SNX30: variants seen among roughly 807,000 people sequenced by gnomAD.
SNX30 encodes sorting nexin-30.
Under a neutral mutation model 46.4 loss-of-function variants are expected in SNX30, and 24 were observed. The ratio of observed to expected loss-of-function variants is 0.52; its 90% confidence interval spans 0.37 to 0.73. The LOEUF is 0.73. Among genes scored for constraint, SNX30 ranks in the 30% least tolerant of loss-of-function variants. SNX30 has a pLI of 0.00. For synonymous variants in SNX30, 189 were observed against 211.5 expected (o/e 0.89, Z 0.92); for missense variants, 533 against 555.7 (o/e 0.96, Z 0.41).
chr9:112,825,399 A>G (rs1320819676), intron 3 of SNX30, among the ~76,000 whole-genome samples: 2 of 152,036 alleles, frequency 1.3e-5, no homozygotes, highest in Non-Finnish European at 2.9e-5. Flanking sequence ...GGTTCAAGCA[A>G]TCCTCCCACC....
At chr9:112,760,646 G>A (rs1839420148) in intron 1 of SNX30, among the ~76,000 whole-genome samples, 1 of 152,212 alleles carries the variant, frequency 6.6e-6, no homozygotes, top group Non-Finnish European at 1.5e-5. Context: ...GACTGTGCCA[G>A]CTGTGCCTGA....
chr9:112,761,296 G>A (rs907755122), intron 1 of SNX30, among the ~76,000 whole-genome samples: 7 of 152,156 alleles, frequency 4.6e-5, no homozygotes, highest in African/African-American at 1.7e-4. Flanking sequence ...CCGAGTAGCT[G>A]GGATTACAGG....
At chr9:112,808,662 A>G (rs1409504577) in intron 2 of SNX30, among the ~76,000 whole-genome samples, 2 of 152,240 alleles carry the variant, frequency 1.3e-5, no homozygotes, top group Non-Finnish European at 2.9e-5. Flanking sequence ...GAATGCCTAT[A>G]CGCTCACCAG....
At chr9:112,795,343 G>A (rs932963329) in intron 1 of SNX30, among the ~76,000 whole-genome samples, 3 of 152,210 alleles carry the variant, frequency 2.0e-5, no homozygotes, top group African/African-American at 7.2e-5. Flanking sequence ...TGCACTGGTA[G>A]TAATTAGTGG....
At chr9:112,864,977 G>GCA (rs1588143161) in intron 8 of SNX30, among the ~76,000 whole-genome samples, 2 of 103,594 alleles carry the variant, frequency 1.9e-5, no homozygotes, top group Non-Finnish European at 3.9e-5. Context: ...AGCAGCGCAC[G>GCA]CACATGCGCG....
At position 112,869,285 on chromosome 9, in the gene SNX30, C is replaced by T; in HGVS notation, c.*442C>T. On this transcript the variant is annotated 3_prime_UTR_variant, in exon 9 of 9. Transcript: ENST00000374232. ...GCTGCTGCTTTCTGTGGAAACCTGG[C>T]CCCTCTGGAATTGGCCTCTGTGGGC... is the stretch of plus-strand genomic sequence containing the variant. 1 of 204,480 alleles carries T rather than the reference C, an allele frequency of 4.9e-6. No individual in the cohort carries two copies. The highest frequency in any genetic ancestry group is 1.0e-5 in the Non-Finnish European group (1 of 98,232). The allele number at this position is 204,480 out of a possible 1,614,324, so 12.7% of individuals were successfully genotyped here. A position where few individuals can be genotyped will look rare whatever the true frequency, so the allele number is the denominator to read the frequency against.
In SNX30 at chr9:112,845,722, A is replaced by G. The variant is rs539030572; in HGVS notation, c.1015-5137A>G. Reference sequence around the variant, plus strand: ...CCACAGATACTGATATTGGCTGGCGATGGAGAACCAGGGTGGTCCCTCAAT... The same window carrying G: ...CCACAGATACTGATATTGGCTGGCGGTGGAGAACCAGGGTGGTCCCTCAAT... On this transcript the variant is annotated intron_variant, in intron 6 of 8. Transcript: ENST00000374232. 4.6e-5 allele frequency among the ~76,000 whole-genome samples: 7 copies of G among 152,346 alleles called. No individual in the cohort carries two copies. The South Asian group carries it at 1.5e-3, about 32-fold the overall frequency.
intron 7 of SNX30, among the ~76,000 whole-genome samples, chr9:112,852,409 T>C (rs557285903): frequency 5.3e-5 from 8 of 152,324 alleles, no homozygotes; most frequent in African/African-American, 1.7e-4. Context: ...GCATCAGTTA[T>C]ATGTAAACAC....
At chr9:112,758,452 C>G (rs1243793650) in intron 1 of SNX30, among the ~76,000 whole-genome samples, 1 of 152,192 alleles carries the variant, frequency 6.6e-6, no homozygotes, top group Non-Finnish European at 1.5e-5. Context: ...GCCTCAGCCT[C>G]CTGAGTAGCT....
At chr9:112,847,066 T>TG (rs1840949483) in intron 6 of SNX30, among the ~76,000 whole-genome samples, 1 of 152,204 alleles carries the variant, frequency 6.6e-6, no homozygotes. Context: ...ATTTTGTCAT[T>TG]GTAGATAAAG....
chr9:112,764,446 C>T (rs997995909), intron 1 of SNX30, among the ~76,000 whole-genome samples: 1 of 152,106 alleles, frequency 6.6e-6, no homozygotes, highest in Non-Finnish European at 1.5e-5. Flanking sequence ...GGCAGTGGCA[C>T]AATCATAGTT....
At position 112,838,526 on chromosome 9, in the gene SNX30, G is replaced by A. The variant is rs896996009; in HGVS notation, c.843G>A (p.Gly281=). 6.2e-7 allele frequency: 1 copy of A among 1,613,944 alleles called. No individual in the cohort carries two copies. The highest frequency in any genetic ancestry group is 8.5e-7 in the Non-Finnish European group (1 of 1,179,902). ...IEYLVELREY[G]PVYSTWSALE... The stretch of plus-strand genomic sequence containing the variant: ...ACCTTGTGGAGCTGAGAGAATACGG[G>A]CCTGTGTACTCCACATGGAGCGCCT... The change falls in exon 6 of 9, where the codon GGG becomes GGA. Residue 281 remains glycine, a synonymous_variant. Coordinates refer to ENST00000374232, the MANE Select transcript of SNX30 (RefSeq NM_001012994.2).
intron 8 of SNX30, among the ~76,000 whole-genome samples, chr9:112,868,012 G>A (rs894636109): frequency 6.6e-5 from 10 of 152,228 alleles, no homozygotes; most frequent in African/African-American, 2.4e-4. Context: ...GATCTGGGAT[G>A]AAAAGAGGTT....
intron 2 of SNX30, among the ~76,000 whole-genome samples, chr9:112,815,609 C>A (rs181251331): frequency 6.6e-6 from 1 of 152,298 alleles, no homozygotes; most frequent in Non-Finnish European, 1.5e-5. Flanking sequence ...GATCAGCCCA[C>A]CTCGGCCTCC....
intron 3 of SNX30, among the ~76,000 whole-genome samples, chr9:112,824,534 T>TG (rs2131433918): frequency 6.6e-6 from 1 of 152,058 alleles, no homozygotes; most frequent in South Asian, 2.1e-4. Flanking sequence ...CCAGGTGTTT[T>TG]TTTTTTTTTA....
intron 3 of SNX30, among the ~76,000 whole-genome samples, chr9:112,826,607 G>A (rs1840582762): frequency 6.6e-6 from 1 of 152,130 alleles, no homozygotes; most frequent in Non-Finnish European, 1.5e-5. Context: ...TTAGCTTTAG[G>A]GGAGGAGGGG....
Position 112,861,999 on chromosome 9 carries a change from C to T in SNX30, c.1102-2248C>T, listed in dbSNP as rs901488955. On this transcript the variant is annotated intron_variant, in intron 7 of 8. Transcript: ENST00000374232. ...TTCTTCCCAACTAGACTGTAGGTTA[C>T]GGGAGACAAGATTTGTCTGTTGAGA... Among the ~76,000 whole-genome samples, 4 of 152,282 alleles carry T rather than the reference C, an allele frequency of 2.6e-5. No individual in the cohort carries two copies. The East Asian group carries it at 5.8e-4, about 22-fold the overall frequency.
intron 1 of SNX30, among the ~76,000 whole-genome samples, chr9:112,784,278 T>A (rs1839886621): frequency 1.3e-5 from 2 of 152,136 alleles, no homozygotes; most frequent in African/African-American, 2.4e-5. Flanking sequence ...CTCTCACGTC[T>A]CCTGTATTTC....
At chr9:112,857,763 TG>T (rs1302332597) in intron 7 of SNX30, among the ~76,000 whole-genome samples, 1 of 147,682 alleles carries the variant, frequency 6.8e-6, no homozygotes. Context: ...AACGCATGCA[TG>T]CATGCATCCA....
Sources: gnomAD v4.1 joint callset for allele counts (sites outside exome capture counted in the v4.1 genomes callset) on GRCh38, gnomAD v4.1.1 for gene constraint, MANE v1.5 for transcripts, NCBI Gene and HGNC (gene_info 2026-07-23, HGNC 2026-07-21) for gene names.